The following IGF1R variants were observed in gnomAD, a reference collection of about 807,000 sequenced individuals.
IGF1R encodes the protein insulin like growth factor 1 receptor.
Under a neutral mutation model 144.6 loss-of-function variants are expected in IGF1R, and 44 were observed. The ratio of observed to expected loss-of-function variants is 0.30; its 90% CI spans 0.24 to 0.39. The LOEUF (loss-of-function observed/expected upper bound fraction) is 0.39, where lower values mean the gene tolerates loss of function less well. Ranked by LOEUF, IGF1R falls within the 10% of genes least tolerant of loss-of-function variation. The probability of loss-of-function intolerance (pLI) is 1.00; values close to 1 mark genes in which losing one functional copy is unlikely to be tolerated. For missense variants in IGF1R, 1,355 were observed against 1,833.7 expected (o/e 0.74, Z 4.77); for synonymous variants, 795 against 722.8 (o/e 1.10, Z -1.60).
chr15:98,862,633 A>T (rs1013014009), intron 2 of IGF1R, among the ~76,000 whole-genome samples: 13 of 152,210 alleles, frequency 8.5e-5, no homozygotes, highest in Non-Finnish European at 1.8e-4. Context: ...CTCTGGTTCA[A>T]GTGCAAGGAA....
intron 1 of IGF1R, among the ~76,000 whole-genome samples, chr15:98,693,575 G>A (rs1734720654): frequency 6.6e-6 from 1 of 152,112 alleles, no homozygotes; most frequent in Admixed American, 6.5e-5. Context: ...CACCTCCCAG[G>A]GATGTTTTTG....
Position 98,707,822 on chromosome 15 carries a change from A to G in IGF1R, c.355A>G (p.Ile119Val), listed in dbSNP as rs767480080. ...WKLFYNYALV[I>V]FEMTNLKDIG... ...ACTCTTCTACAACTACGCCCTGGTCATCTTCGAGATGACCAATCTCAAGGA... is the reference window on the plus strand; with the variant it reads ...ACTCTTCTACAACTACGCCCTGGTCGTCTTCGAGATGACCAATCTCAAGGA... The change falls in exon 2 of 21, where the codon ATC becomes GTC. Residue 119 changes from isoleucine (I) to valine (V), a missense_variant. Physicochemically the swap from Ile to Val is conservative, Grantham distance 29. Coordinates refer to ENST00000650285, the MANE Select transcript of IGF1R (RefSeq NM_000875.5). This position sits in a 1 kb window ranked among gnomAD's most constrained non-coding sequence, Gnocchi z 6.7. 1.2e-6 allele frequency: 2 copies of G among 1,614,164 alleles called. No homozygotes were observed. Among genetic ancestry groups the G allele is most frequent in the South Asian group, 2.2e-5 (2 of 91,082 alleles).
chr15:98,933,686 A>G (rs1274786726), intron 15 of IGF1R, among the ~76,000 whole-genome samples: 7 of 152,188 alleles, frequency 4.6e-5, no homozygotes, highest in African/African-American at 1.7e-4. Flanking sequence ...AAGAAATCCT[A>G]TTCAGGCTTG....
intron 2 of IGF1R, among the ~76,000 whole-genome samples, chr15:98,762,711 A>G (rs1395378585): frequency 6.6e-6 from 1 of 152,054 alleles, no homozygotes; most frequent in Non-Finnish European, 1.5e-5. Context: ...CTGGGCAGTG[A>G]GTGAAACTCT....
intron 5 of IGF1R, among the ~76,000 whole-genome samples, chr15:98,903,007 A>G (rs2014561833): frequency 6.6e-6 from 1 of 152,174 alleles, no homozygotes; most frequent in African/African-American, 2.4e-5. Context: ...CTGATTTTGT[A>G]ACCCAGTTAC....
At chr15:98,694,581 A>G (rs2053554955) in intron 1 of IGF1R, among the ~76,000 whole-genome samples, 1 of 151,846 alleles carries the variant, frequency 6.6e-6, no homozygotes, top group Non-Finnish European at 1.5e-5. Context: ...GGCCCCTCAC[A>G]CTTCACTGCC....
intron 2 of IGF1R, among the ~76,000 whole-genome samples, chr15:98,831,970 C>T (rs957265325): frequency 2.0e-5 from 3 of 151,998 alleles, no homozygotes; most frequent in Non-Finnish European, 2.9e-5. Flanking sequence ...CTGTGCTTTG[C>T]GAGAGACAAA....
intron 2 of IGF1R, among the ~76,000 whole-genome samples, chr15:98,727,529 T>G (rs1030365621): frequency 6.6e-6 from 1 of 152,242 alleles, no homozygotes; most frequent in African/African-American, 2.4e-5. Context: ...CTCTGATTCC[T>G]CAGCAAAGTC....
intron 2 of IGF1R, among the ~76,000 whole-genome samples, chr15:98,789,297 C>T (rs1014774904): frequency 6.6e-6 from 1 of 152,176 alleles, no homozygotes; most frequent in Non-Finnish European, 1.5e-5. Context: ...GCTGATGACG[C>T]TTTTTCCCAT....
chr15:98,899,015 G>A (rs2014339858), intron 4 of IGF1R, among the ~76,000 whole-genome samples: 1 of 152,090 alleles, frequency 6.6e-6, no homozygotes, highest in Non-Finnish European at 1.5e-5. Context: ...TAGTAAAATG[G>A]AACCTTTAAA....
intron 1 of IGF1R, among the ~76,000 whole-genome samples, chr15:98,654,053 T>A (rs1446205897): frequency 2.0e-5 from 3 of 152,224 alleles, no homozygotes; most frequent in Non-Finnish European, 4.4e-5. Flanking sequence ...AGATTTTTTT[T>A]CAGACTCAGT....
At chr15:98,763,308 T>C (rs1346809484) in intron 2 of IGF1R, among the ~76,000 whole-genome samples, 1 of 152,224 alleles carries the variant, frequency 6.6e-6, no homozygotes, top group East Asian at 1.9e-4. Context: ...TTCATGTGTT[T>C]AGGTCCTTCC....
chr15:98,769,465 A>G (rs2055528085), intron 2 of IGF1R, among the ~76,000 whole-genome samples: 1 of 152,200 alleles, frequency 6.6e-6, no homozygotes, highest in African/African-American at 2.4e-5. Flanking sequence ...GGGGCCTTCT[A>G]AGGCCTCAGT....
chr15:98,897,866 T>C (rs1254485847), intron 4 of IGF1R, among the ~76,000 whole-genome samples: 2 of 152,228 alleles, frequency 1.3e-5, no homozygotes, highest in East Asian at 3.9e-4. Flanking sequence ...AGAATAAATA[T>C]CGTAAAATGG....
rs1555454922 is a variant in IGF1R at position 98,869,295 on chromosome 15, A to AAAC, written c.641-22028_641-22027insCAA. Among the ~76,000 whole-genome samples the AAAC allele has an allele frequency of 2.9e-3, 360 of 123,728 alleles. 2 individuals carry two copies. The highest frequency in any genetic ancestry group is 0.012 in the African/African-American group (350 of 29,978). 81.2% of individuals were successfully genotyped at this position (123,728 alleles called of 152,430 possible). On this transcript the variant is annotated intron_variant, in intron 2 of 20. Transcript: ENST00000650285. ...ATTTCGAGACAGCTTTCAATTAAAA[A>AAAC]AAACAAACAACAACAACAACAAAAA...
intron 1 of IGF1R, among the ~76,000 whole-genome samples, chr15:98,703,932 A>G (rs2053797784): frequency 6.6e-6 from 1 of 152,228 alleles, no homozygotes; most frequent in Non-Finnish European, 1.5e-5. Context: ...AAAATCCAGA[A>G]TGCTTCAAAA....
chr15:98,934,031 C>A (rs2016044893), intron 15 of IGF1R, among the ~76,000 whole-genome samples: 1 of 152,016 alleles, frequency 6.6e-6, no homozygotes, highest in South Asian at 2.1e-4. Flanking sequence ...TTTTTTAGTT[C>A]CAATAATACG....
At position 98,963,474 on chromosome 15, in the gene IGF1R, A is replaced by G. The variant is rs2017306691; in HGVS notation, c.*6032A>G. 2 of 233,176 alleles carry G rather than the reference A, an allele frequency of 8.6e-6. No individual in the cohort carries two copies. Among genetic ancestry groups the G allele is most frequent in the Non-Finnish European group, 8.5e-6 (1 of 118,056 alleles). 14.4% of individuals were successfully genotyped at this position (233,176 alleles called of 1,614,324 possible). A position where few individuals can be genotyped will look rare whatever the true frequency, so the allele number is the denominator to read the frequency against. ...GGAGTGTAGCTACTTTAACAGATGG[A>G]AAGAACCTCATTGGCCATGGAAACA... On this transcript the variant is annotated 3_prime_UTR_variant, in exon 21 of 21. Transcript: ENST00000650285.
At chr15:98,871,770 C>G (rs2012799368) in intron 2 of IGF1R, among the ~76,000 whole-genome samples, 1 of 152,238 alleles carries the variant, frequency 6.6e-6, no homozygotes, top group African/African-American at 2.4e-5. Flanking sequence ...CCCCATGATT[C>G]AGTTAGCTCC....
Sources: gnomAD v4.1 joint callset for allele counts (sites outside exome capture counted in the v4.1 genomes callset) on GRCh38, gnomAD v4.1.1 for gene constraint, Gnocchi (gnomAD v3.1) non-coding constraint, MANE v1.5 for transcripts, NCBI Gene and HGNC (gene_info 2026-07-23, HGNC 2026-07-21) for gene names.